The following ZNF721 variants were observed in gnomAD, a reference collection of about 807,000 sequenced individuals.
ZNF721 encodes zinc finger protein 721.
A neutral mutation model predicts 2.4 loss-of-function variants in ZNF721; 2 were observed. That is an observed-to-expected ratio of 0.82 (90% CI 0.34 to 2.58). ZNF721 has a LOEUF of 2.58. ZNF721 is among the 30% of genes most tolerant of loss of function. The pLI is 0.11. For synonymous variants in ZNF721, 398 were observed against 381.8 expected (o/e 1.04, Z -0.50); for missense variants, 1,187 against 1,085.5 (o/e 1.09, Z -1.31).
At chr4:465,068 G>C (rs1419075184) in intron 2 of ZNF721, among the ~76,000 whole-genome samples, 1 of 146,102 alleles carries the variant, frequency 6.8e-6, no homozygotes, top group East Asian at 2.0e-4. Context: ...CTGGGTGATA[G>C]AGCAAGATTC....
At position 499,143 on chromosome 4, in the gene ZNF721, T is replaced by G; in HGVS notation, c.-181A>C. 1.7e-6 allele frequency: 1 copy of G among 605,734 alleles called. No individual in the cohort carries two copies. Among genetic ancestry groups the G allele is most frequent in the Non-Finnish European group, 2.8e-6 (1 of 359,674 alleles). 37.5% of individuals were successfully genotyped at this position (605,734 alleles called of 1,614,324 possible). Reference sequence around the variant, plus strand: ...CCGCCCGCTGTTCGTATGTCCGAGGTGACGCCCCGCTGTGGCGGGCTGGCG... The same window carrying G: ...CCGCCCGCTGTTCGTATGTCCGAGGGGACGCCCCGCTGTGGCGGGCTGGCG... On this transcript the variant is annotated 5_prime_UTR_variant, in exon 1 of 3. Transcript: ENST00000511833.
At position 441,640 on chromosome 4, in the gene ZNF721, A is replaced by T; in HGVS notation, c.*55T>A. 7.1e-7 allele frequency: 1 copy of T among 1,415,690 alleles called. No individual in the cohort carries two copies. Among genetic ancestry groups the T allele is most frequent in the Non-Finnish European group, 9.6e-7 (1 of 1,047,056 alleles). 87.7% of individuals were successfully genotyped at this position (1,415,690 alleles called of 1,614,324 possible). A position where few individuals can be genotyped will look rare whatever the true frequency, so the allele number is the denominator to read the frequency against. The stretch of plus-strand genomic sequence containing the variant: ...CTTCGTAAGACATTCCCCTGGTATG[A>T]GTTCTCTTATGTTTAAGAATGCTGT... On this transcript the variant is annotated 3_prime_UTR_variant, in exon 3 of 3. Transcript: ENST00000511833.
chr4:458,047 G>A (rs7673820), intron 2 of ZNF721, among the ~76,000 whole-genome samples: 1 of 152,200 alleles, frequency 6.6e-6, no homozygotes, highest in Non-Finnish European at 1.5e-5. Context: ...TCAAGGGTCA[G>A]TACTGCTCAT....
chr4:465,821 C>A (rs1329583862), intron 2 of ZNF721, among the ~76,000 whole-genome samples: 1 of 150,636 alleles, frequency 6.6e-6, no homozygotes, highest in African/African-American at 2.4e-5. Context: ...GATACACACA[C>A]AAAAAAGGAA....
chr4:475,620 A>T (rs1715605233), intron 1 of ZNF721, among the ~76,000 whole-genome samples: 1 of 134,442 alleles, frequency 7.4e-6, no homozygotes, highest in Non-Finnish European at 1.6e-5. Context: ...AGGCAGCTCC[A>T]CAACTACTAA....
intron 2 of ZNF721, among the ~76,000 whole-genome samples, chr4:467,410 C>T (rs782354987): frequency 6.6e-6 from 1 of 152,184 alleles, no homozygotes; most frequent in Non-Finnish European, 1.5e-5. Flanking sequence ...ATGTATGATT[C>T]CACTTACATA....
intron 1 of ZNF721, among the ~76,000 whole-genome samples, chr4:498,190 G>C (rs188236870): frequency 0.013 from 1,649 of 128,658 alleles, 13 homozygotes; most frequent in Middle Eastern, 0.054. Flanking sequence ...GGGCGACAGA[G>C]TGAGATTTCA....
At chr4:473,440 A>C (rs797042136) in intron 1 of ZNF721, among the ~76,000 whole-genome samples, 12 of 152,220 alleles carry the variant, frequency 7.9e-5, no homozygotes, top group African/African-American at 2.4e-4. Flanking sequence ...CACGCGGAGG[A>C]GGCGCACAGG....
chr4:461,931 G>C (rs1715084164), intron 2 of ZNF721, among the ~76,000 whole-genome samples: 1 of 152,136 alleles, frequency 6.6e-6, no homozygotes, highest in Non-Finnish European at 1.5e-5. Context: ...GAGAAAGAAA[G>C]AAAGGGTATT....
chr4:479,019 G>C (rs1054229253), intron 1 of ZNF721, among the ~76,000 whole-genome samples: 1 of 152,000 alleles, frequency 6.6e-6, no homozygotes, highest in Non-Finnish European at 1.5e-5. Flanking sequence ...TGCCCACCTC[G>C]GCCTCTCAAA....
At chr4:450,060 T>C (rs1553864676) in intron 2 of ZNF721, among the ~76,000 whole-genome samples, 1 of 152,202 alleles carries the variant, frequency 6.6e-6, no homozygotes, top group Non-Finnish European at 1.5e-5. Context: ...CCTACACAAA[T>C]AAACTGTGGA....
intron 1 of ZNF721, among the ~76,000 whole-genome samples, chr4:488,656 C>G (rs1312359868): frequency 1.3e-5 from 2 of 151,974 alleles, no homozygotes; most frequent in African/African-American, 4.8e-5. Context: ...ACTGTGAAAC[C>G]GCATCTCTAC....
intron 1 of ZNF721, among the ~76,000 whole-genome samples, chr4:474,742 G>T (rs1377334647): frequency 2.0e-5 from 3 of 151,944 alleles, no homozygotes; most frequent in Non-Finnish European, 4.4e-5. Context: ...CAGGCATGGT[G>T]GTGGGCGCCT....
In ZNF721 at chr4:488,275, G is replaced by A. The variant is rs576897299; in HGVS notation, c.-94+10781C>T. ...AAGGACCTGGACAACTCACACTCACGGTCTTCCTTCTGGGAACAGAAGTGC... is the reference window on the plus strand; with the variant it reads ...AAGGACCTGGACAACTCACACTCACAGTCTTCCTTCTGGGAACAGAAGTGC... On this transcript the variant is annotated intron_variant, in intron 1 of 2. Transcript: ENST00000511833. Among the ~76,000 whole-genome samples, 12 of 152,172 alleles carry A rather than the reference G, an allele frequency of 7.9e-5. No homozygotes were observed. In the East Asian group the frequency reaches 1.5e-3, roughly 20 times the overall value.
At chr4:474,929 C>G (rs948292681) in intron 1 of ZNF721, among the ~76,000 whole-genome samples, 10 of 152,194 alleles carry the variant, frequency 6.6e-5, no homozygotes, top group South Asian at 4.2e-4. Flanking sequence ...TGGCTCACGC[C>G]TGTAATCCTA....
Position 441,961 on chromosome 4 carries a change from G to T in ZNF721, c.2506C>A (p.Pro836Thr), listed in dbSNP as rs782356512. ...KHRRIHTGEK[P>T]YTCEECGKAF... Reference sequence around the variant, plus strand: ...TTGCCACATTCTTCACATGTGTAGGGTTTCTCTCCAGTATGAATTCTCCTA... The same window carrying T: ...TTGCCACATTCTTCACATGTGTAGGTTTTCTCTCCAGTATGAATTCTCCTA... Residue 836 changes from proline (P) to threonine (T), a missense_variant, in exon 3 of 3, where the codon CCC becomes ACC. Pro to Thr is a conservative substitution (Grantham distance 38). Coordinates refer to ENST00000511833, the MANE Select transcript of ZNF721 (RefSeq NM_133474.4). 4.3e-6 allele frequency: 7 copies of T among 1,614,004 alleles called. No homozygotes were observed. The East Asian group carries it at 1.6e-4, about 36-fold the overall frequency.
At chr4:494,594 T>A (rs1553871967) in intron 1 of ZNF721, among the ~76,000 whole-genome samples, 1 of 152,150 alleles carries the variant, frequency 6.6e-6, no homozygotes, top group Non-Finnish European at 1.5e-5. Flanking sequence ...CTAAGTAGTC[T>A]TACATTTGCA....
rs956591081 is a variant in ZNF721, at chr4:460,466, T to C, written c.34+12109A>G. Among the ~76,000 whole-genome samples the C allele has an allele frequency of 3.3e-5, 5 of 152,070 alleles. No individual in the cohort carries two copies. The East Asian group carries it at 9.6e-4, about 29-fold the overall frequency. ...TTGGAGGGAAATCTATACCACTAAA[T>C]GCCCACAAAAGAAAGCAGAAAAGAC... On this transcript the variant is annotated intron_variant, in intron 2 of 2. Transcript: ENST00000511833.
intron 1 of ZNF721, among the ~76,000 whole-genome samples, chr4:476,177 A>G (rs1388300411): frequency 2.0e-5 from 3 of 152,310 alleles, no homozygotes; most frequent in South Asian, 2.1e-4. Flanking sequence ...GGATTATGCA[A>G]TAAGTTTCAA....
Sources: gnomAD v4.1 joint callset for allele counts (sites outside exome capture counted in the v4.1 genomes callset) on GRCh38, gnomAD v4.1.1 for gene constraint, MANE v1.5 for transcripts, NCBI Gene and HGNC (gene_info 2026-07-23, HGNC 2026-07-21) for gene names.